Variants in NRG3 observed in about 807,000 individuals in gnomAD.
NRG3 encodes pro-neuregulin-3, membrane-bound isoform.
NRG3 carries 31 observed loss-of-function variants against 66.9 expected under a neutral mutation model. The observed-to-expected ratio is 0.46, with a 90% CI of 0.35 to 0.63. NRG3 has a LOEUF of 0.63. Among genes scored for constraint, NRG3 ranks in the 20% least tolerant of loss-of-function variants. The probability of loss-of-function intolerance (pLI) is 0.00; values close to 1 mark genes in which losing one functional copy is unlikely to be tolerated. For missense variants in NRG3, 910 were observed against 878.9 expected (o/e 1.04, Z -0.45); for synonymous variants, 393 against 359.4 (o/e 1.09, Z -1.06).
chr10:82,425,817 C>A (rs1294665395), intron 2 of NRG3, among the ~76,000 whole-genome samples: 3 of 152,090 alleles, frequency 2.0e-5, no homozygotes, highest in Non-Finnish European at 4.4e-5. Context: ...TCTTTGGGTT[C>A]TCCTAGAGAC....
chr10:81,897,199 G>A (rs1435368708), intron 1 of NRG3, among the ~76,000 whole-genome samples: 1 of 152,168 alleles, frequency 6.6e-6, no homozygotes, highest in Non-Finnish European at 1.5e-5. Context: ...ATGCTAAGGA[G>A]TGGTAGGAAG....
At chr10:82,849,728 T>C (rs2063477672) in intron 3 of NRG3, among the ~76,000 whole-genome samples, 2 of 152,250 alleles carry the variant, frequency 1.3e-5, no homozygotes, top group South Asian at 4.1e-4. Context: ...TGTATTTTGG[T>C]TAGAAGAACT....
At position 82,198,623 on chromosome 10, in the gene NRG3, C is replaced by T. The variant is rs143038653; in HGVS notation, c.824-160116C>T. ...AAAAGTGTTGTTTCATTCATTTATT[C>T]GCTCACTCATTCATTCACCCCCTCT... On this transcript the variant is annotated intron_variant, in intron 1 of 8. Coordinates refer to ENST00000372141, the MANE Select transcript of NRG3 (RefSeq NM_001010848.4). 1.8e-4 allele frequency among the ~76,000 whole-genome samples: 28 copies of T among 152,224 alleles called. 1 individual carries two copies. Among genetic ancestry groups the T allele is most frequent in the African/African-American group, 6.0e-4 (25 of 41,564 alleles).
At chr10:81,935,583 C>T (rs544470159) in intron 1 of NRG3, among the ~76,000 whole-genome samples, 3 of 152,234 alleles carry the variant, frequency 2.0e-5, no homozygotes, top group East Asian at 3.9e-4. Flanking sequence ...ACAACAACAA[C>T]AACAACAAAG....
At chr10:82,233,100 C>T (rs879750093) in intron 1 of NRG3, among the ~76,000 whole-genome samples, 1 of 152,214 alleles carries the variant, frequency 6.6e-6, no homozygotes. Context: ...CGCAGTGGCT[C>T]ACGCCTGTAA....
chr10:82,610,105 C>A (rs1373130781), intron 2 of NRG3, among the ~76,000 whole-genome samples: 1 of 152,188 alleles, frequency 6.6e-6, no homozygotes, highest in Non-Finnish European at 1.5e-5. Flanking sequence ...ACCTCTCTCA[C>A]CCCATCGAGG....
intron 2 of NRG3, among the ~76,000 whole-genome samples, chr10:82,484,640 C>T (rs150275371): frequency 1.2e-4 from 18 of 152,324 alleles, no homozygotes; most frequent in African/African-American, 4.1e-4. Flanking sequence ...CTTCCAATCA[C>T]AGTGGTCCCT....
intron 2 of NRG3, among the ~76,000 whole-genome samples, chr10:82,378,042 G>A (rs1024317700): frequency 1.1e-4 from 17 of 152,200 alleles, no homozygotes; most frequent in Non-Finnish European, 1.6e-4. Context: ...TGAGCTTTCA[G>A]TCACTAAGGA....
chr10:82,561,345 G>A (rs2045028890), intron 2 of NRG3, among the ~76,000 whole-genome samples: 1 of 151,934 alleles, frequency 6.6e-6, no homozygotes, highest in African/African-American at 2.4e-5. Flanking sequence ...TTTTTACCTG[G>A]CCTTTAAAAT....
intron 1 of NRG3, among the ~76,000 whole-genome samples, chr10:82,028,996 G>A (rs1031174424): frequency 6.6e-6 from 1 of 151,948 alleles, no homozygotes; most frequent in Non-Finnish European, 1.5e-5. Flanking sequence ...ATCACCTGAG[G>A]TCAGGAGTTT....
At position 82,794,235 on chromosome 10, in the gene NRG3, A is replaced by G. The variant is rs74144325; in HGVS notation, c.1027+55585A>G. Among the ~76,000 whole-genome samples, 730 of 152,252 alleles carry G rather than the reference A, an allele frequency of 4.8e-3. 5 individuals carry two copies. The highest frequency in any genetic ancestry group is 0.016 in the African/African-American group (682 of 41,548). On this transcript the variant is annotated intron_variant, in intron 3 of 8. Coordinates refer to ENST00000372141, the MANE Select transcript of NRG3 (RefSeq NM_001010848.4). Reference sequence around the variant, plus strand: ...CAATTTTTTTTGGTGGAAGAAAAACAAACTTCACAAATCCATAATTAAATC... The same window carrying G: ...CAATTTTTTTTGGTGGAAGAAAAACGAACTTCACAAATCCATAATTAAATC...
intron 3 of NRG3, chr10:82,843,120 G>A (rs2063143093): frequency 5.9e-6 from 2 of 337,636 alleles, no homozygotes; most frequent in South Asian, 4.6e-5. Context: ...GAAGATGGGG[G>A]ACTACTGTAT....
intron 4 of NRG3, among the ~76,000 whole-genome samples, chr10:82,898,877 A>AT (rs1260485318): frequency 3.3e-5 from 5 of 151,300 alleles, no homozygotes; most frequent in South Asian, 2.1e-4. Context: ...ACCCCGGCTA[A>AT]TTTTTTTGTA....
intron 4 of NRG3, among the ~76,000 whole-genome samples, chr10:82,923,035 T>C (rs1846602947): frequency 1.3e-5 from 2 of 152,188 alleles, no homozygotes; most frequent in Non-Finnish European, 2.9e-5. Flanking sequence ...ACAATAAAGC[T>C]ACTGTAACAG....
At chr10:81,941,216 A>C (rs2133094977) in intron 1 of NRG3, among the ~76,000 whole-genome samples, 1 of 152,280 alleles carries the variant, frequency 6.6e-6, no homozygotes, top group Admixed American at 6.5e-5. Flanking sequence ...CGACCAGAGA[A>C]TATGAAGTAG....
At chr10:82,142,371 TCTGGCCTCCCAA>T (rs1235966469) in intron 1 of NRG3, among the ~76,000 whole-genome samples, 1 of 152,130 alleles carries the variant, frequency 6.6e-6, no homozygotes, top group African/African-American at 2.4e-5. Context: ...CTGGACAGTA[TCTGGCCTCCCAA>T]GGGAGGCAGA....
intron 3 of NRG3, among the ~76,000 whole-genome samples, chr10:82,773,418 T>G (rs1279231581): frequency 6.6e-6 from 1 of 152,134 alleles, no homozygotes; most frequent in East Asian, 1.9e-4. Context: ...CTTTGTCCCT[T>G]TTTTCCTTGG....
At chr10:82,534,690 G>A (rs1044992480) in intron 2 of NRG3, among the ~76,000 whole-genome samples, 3 of 152,114 alleles carry the variant, frequency 2.0e-5, no homozygotes, top group Non-Finnish European at 4.4e-5. Context: ...CAAAACTACA[G>A]TAATCAAAAG....
At chr10:82,722,089 G>C (rs1043320104) in intron 2 of NRG3, among the ~76,000 whole-genome samples, 1 of 152,188 alleles carries the variant, frequency 6.6e-6, no homozygotes, top group Non-Finnish European at 1.5e-5. Flanking sequence ...TGGAATTTAG[G>C]AATAAGTCTT....
Sources: gnomAD v4.1 joint callset for allele counts (sites outside exome capture counted in the v4.1 genomes callset) on GRCh38, gnomAD v4.1.1 for gene constraint, MANE v1.5 for transcripts, NCBI Gene and HGNC (gene_info 2026-07-23, HGNC 2026-07-21) for gene names.